The following PLIN3 variants were observed in gnomAD, a reference collection of about 807,000 sequenced individuals.
The protein encoded by PLIN3 is perilipin-3.
In PLIN3, 30 loss-of-function variants were observed where a neutral mutation model predicts 35.9. The observed-to-expected ratio is 0.84, with a 90% CI of 0.62 to 1.13. PLIN3 has a LOEUF of 1.13. PLIN3 is among the 50% of genes most tolerant of loss of function. The pLI is 0.00. For synonymous variants in PLIN3, 261 were observed against 262.5 expected, an observed-to-expected ratio of 0.99 and a Z score of 0.06; for missense variants, 603 against 596.9, an observed-to-expected ratio of 1.01 and a Z score of -0.11.
At chr19:4,856,705 GTTT>G (rs1420037223) in intron 4 of PLIN3, among the ~76,000 whole-genome samples, 1 of 126,352 alleles carries the variant, frequency 7.9e-6, no homozygotes, top group Non-Finnish European at 1.7e-5. Context: ...GAAGGAGGGT[GTTT>G]TTTTTTTTTT....
chr19:4,864,210 T>C (rs1353877752), intron 1 of PLIN3, among the ~76,000 whole-genome samples: 1 of 150,440 alleles, frequency 6.6e-6, no homozygotes, highest in African/African-American at 2.4e-5. Flanking sequence ...TGGGGTGCAG[T>C]GGCGTGATTT....
At chr19:4,851,294 G>A (rs765972805) in intron 5 of PLIN3, among the ~76,000 whole-genome samples, 15 of 151,880 alleles carry the variant, frequency 9.9e-5, no homozygotes, top group East Asian at 1.9e-4. Flanking sequence ...GTGAAACCCC[G>A]TTTCTACTAA....
At chr19:4,858,895 T>C (rs1333461687) in intron 4 of PLIN3, among the ~76,000 whole-genome samples, 1 of 150,284 alleles carries the variant, frequency 6.7e-6, no homozygotes, top group African/African-American at 2.4e-5. Flanking sequence ...AGAGACGGGG[T>C]TTCTCCATGT....
chr19:4,840,296 C>CT (rs932401843), intron 7 of PLIN3, among the ~76,000 whole-genome samples: 1 of 152,024 alleles, frequency 6.6e-6, no homozygotes, highest in Non-Finnish European at 1.5e-5. Flanking sequence ...CAGGATCTCA[C>CT]TTTGTCGCCC....
At position 4,844,534 on chromosome 19, in the gene PLIN3, G is replaced by C. The variant is rs188585359; in HGVS notation, c.960+134C>G. On this transcript the variant is annotated intron_variant, in intron 7 of 7. Coordinates refer to ENST00000221957, the MANE Select transcript of PLIN3 (RefSeq NM_005817.5). ...AAATCAAGGCAGGCTTCCTGAAGGA[G>C]GTGTCATTAGCTTCCAAAAGCAGGT... 7.6e-6 allele frequency: 7 copies of C among 915,366 alleles called. No homozygotes were observed. In the East Asian group the frequency reaches 1.7e-4, roughly 22 times the overall value. 56.7% of individuals were successfully genotyped at this position (915,366 alleles called of 1,614,324 possible).
chr19:4,855,249 GAAAA>G (rs377681525), intron 4 of PLIN3, among the ~76,000 whole-genome samples: 3 of 36,410 alleles, frequency 8.2e-5, no homozygotes, highest in South Asian at 1.3e-3. Flanking sequence ...GACTCCATCT[GAAAA>G]AAAAAAAAAA....
chr19:4,841,018 T>C (rs577418948), intron 7 of PLIN3, among the ~76,000 whole-genome samples: 1 of 152,312 alleles, frequency 6.6e-6, no homozygotes, highest in East Asian at 1.9e-4. Context: ...GCGGAGAAAT[T>C]GGAAGCCTCG....
chr19:4,839,990 T>G (rs922367233), intron 7 of PLIN3, among the ~76,000 whole-genome samples: 8 of 128,610 alleles, frequency 6.2e-5, no homozygotes, highest in African/African-American at 2.5e-4. Context: ...TTTTTTGAGA[T>G]AGAGTCTTGC....
At chr19:4,861,919 C>T (rs1389902987) in intron 1 of PLIN3, among the ~76,000 whole-genome samples, 1 of 151,654 alleles carries the variant, frequency 6.6e-6, no homozygotes, top group African/African-American at 2.4e-5. Flanking sequence ...AGGTGTGAGC[C>T]ACCACACCTG....
At chr19:4,856,322 G>C (rs1267505039) in intron 4 of PLIN3, among the ~76,000 whole-genome samples, 1 of 152,092 alleles carries the variant, frequency 6.6e-6, no homozygotes, top group Non-Finnish European at 1.5e-5. Flanking sequence ...ACTTTGGGAG[G>C]CCGAGGCAGG....
intron 2 of PLIN3, among the ~76,000 whole-genome samples, chr19:4,860,789 G>A (rs1192962305): frequency 6.6e-6 from 1 of 151,982 alleles, no homozygotes; most frequent in Non-Finnish European, 1.5e-5. Flanking sequence ...TGGCCAACAT[G>A]GTGAAACTCC....
chr19:4,854,217 G>A (rs1030668229), intron 4 of PLIN3, among the ~76,000 whole-genome samples: 1 of 152,096 alleles, frequency 6.6e-6, no homozygotes, highest in Non-Finnish European at 1.5e-5. Context: ...ACCGACATGA[G>A]CCACTGTGTC....
At chr19:4,857,560 A>T (rs2030514802) in intron 4 of PLIN3, among the ~76,000 whole-genome samples, 1 of 151,960 alleles carries the variant, frequency 6.6e-6, no homozygotes, top group Non-Finnish European at 1.5e-5. Context: ...CAGAGTGAGA[A>T]CCTGTCTCAA....
At chr19:4,844,599 G>A in intron 7 of PLIN3, 69 bp downstream of exon 7, 2 of 1,453,990 alleles carry the variant, frequency 1.4e-6, no homozygotes, top group Non-Finnish European at 1.8e-6. Flanking sequence ...GGCCCATGAA[G>A]CAGAGGTGTA....
intron 4 of PLIN3, among the ~76,000 whole-genome samples, chr19:4,855,249 G>GAAAAAAA (rs377681525): frequency 2.5e-4 from 9 of 36,408 alleles, no homozygotes; most frequent in African/African-American, 8.6e-4. Flanking sequence ...GACTCCATCT[G>GAAAAAAA]AAAAAAAAAA....
In PLIN3 at chr19:4,839,262, G is replaced by A. The variant is rs139813355; in HGVS notation, c.1235C>T (p.Thr412Ile). 7.4e-5 allele frequency: 119 copies of A among 1,613,924 alleles called. 1 individual carries two copies. The African/African-American group carries it at 1.3e-3, about 18-fold the overall frequency. The change falls in exon 8 of 8, where the codon ACA becomes ATA. Residue 412 changes from threonine to isoleucine, a missense_variant. Physicochemically the swap from Thr to Ile is moderately conservative, Grantham distance 89. Coordinates refer to ENST00000221957, the MANE Select transcript of PLIN3 (RefSeq NM_005817.5). ...DHMVEYVAQN[T>I]PVTWLVGPFA... is the part of the protein sequence containing the mutation. ...GGGTCCCACGAGCCACGTGACAGGT[G>A]TGTTCTGGGCCACATATTCCACCAT... is the stretch of plus-strand genomic sequence containing the variant.
chr19:4,843,241 T>A (rs1257989344), intron 7 of PLIN3, among the ~76,000 whole-genome samples: 3 of 149,972 alleles, frequency 2.0e-5, no homozygotes, highest in Admixed American at 6.7e-5. Flanking sequence ...GTGCGGTGGC[T>A]CACGCCTGTA....
At chr19:4,859,753 G>A (rs1238017373) in intron 3 of PLIN3, 73 bp downstream of exon 3, 9 of 1,599,718 alleles carry the variant, frequency 5.6e-6, no homozygotes, top group Non-Finnish European at 7.7e-6. Flanking sequence ...CCAAGAGCTG[G>A]GTAGACCCCC....
chr19:4,854,170 C>T (rs1329460679), intron 4 of PLIN3, among the ~76,000 whole-genome samples: 1 of 151,928 alleles, frequency 6.6e-6, no homozygotes, highest in Non-Finnish European at 1.5e-5. Context: ...TGGCCTCAAG[C>T]AGTCCTCCTG....
Sources: gnomAD v4.1 joint callset for allele counts (sites outside exome capture counted in the v4.1 genomes callset) on GRCh38, gnomAD v4.1.1 for gene constraint, MANE v1.5 for transcripts, NCBI Gene and HGNC (gene_info 2026-07-23, HGNC 2026-07-21) for gene names.